ADIPOR2: variants seen among roughly 807,000 people sequenced by gnomAD.
ADIPOR2 encodes adiponectin receptor 2.
A neutral mutation model predicts 40.9 loss-of-function variants in ADIPOR2; 18 were observed. The observed-to-expected ratio is 0.44, with a 90% CI of 0.30 to 0.65. The LOEUF (loss-of-function observed/expected upper bound fraction) is 0.65. Among genes scored for constraint, ADIPOR2 ranks in the 30% least tolerant of loss-of-function variants. The pLI is 0.09. For synonymous variants in ADIPOR2, 165 were observed against 166.4 expected, an observed-to-expected ratio of 0.99 and a Z score of 0.06; for missense variants, 283 against 479.2, an observed-to-expected ratio of 0.59 and a Z score of 3.82.
chr12:1,763,316 AC>A (rs1862307950), intron 2 of ADIPOR2, among the ~76,000 whole-genome samples: 1 of 152,204 alleles, frequency 6.6e-6, no homozygotes, highest in Non-Finnish European at 1.5e-5. Flanking sequence ...GAAGTTCCAG[AC>A]CGGTAGGAAT....
intron 1 of ADIPOR2, among the ~76,000 whole-genome samples, chr12:1,739,114 T>C (rs1041211477): frequency 3.9e-5 from 6 of 152,202 alleles, no homozygotes; most frequent in Admixed American, 2.6e-4. Context: ...CAAAGAACAG[T>C]AAAACATGAA....
At chr12:1,715,948 AG>A (rs1008708227) in intron 1 of ADIPOR2, among the ~76,000 whole-genome samples, 1 of 152,122 alleles carries the variant, frequency 6.6e-6, no homozygotes, top group African/African-American at 2.4e-5. Context: ...TGGCCACCCC[AG>A]CCAGCAGCGG....
chr12:1,750,419 AG>A (rs1460833621), intron 1 of ADIPOR2, among the ~76,000 whole-genome samples: 26 of 132,218 alleles, frequency 2.0e-4, no homozygotes, highest in Admixed American at 8.4e-4. Context: ...AAAAAAAAAA[AG>A]GCCAGGTATG....
intron 1 of ADIPOR2, among the ~76,000 whole-genome samples, chr12:1,736,111 A>C (rs2094729927): frequency 6.6e-6 from 1 of 152,192 alleles, no homozygotes; most frequent in Admixed American, 6.5e-5. Flanking sequence ...GGCCTCATAA[A>C]ATGAGTTAGG....
intron 1 of ADIPOR2, among the ~76,000 whole-genome samples, chr12:1,698,699 A>G (rs1330330026): frequency 6.6e-6 from 1 of 152,314 alleles, no homozygotes; most frequent in Non-Finnish European, 1.5e-5. Flanking sequence ...CATACATTTT[A>G]TGTATATTTA....
At chr12:1,782,911 A>T (rs1307252645) in intron 6 of ADIPOR2, among the ~76,000 whole-genome samples, 2 of 150,076 alleles carry the variant, frequency 1.3e-5, no homozygotes, top group Non-Finnish European at 3.0e-5. Flanking sequence ...GCCCAGTTAT[A>T]GGTTATAGAT....
chr12:1,776,676 G>A (rs969144993), intron 3 of ADIPOR2, among the ~76,000 whole-genome samples: 1 of 152,164 alleles, frequency 6.6e-6, no homozygotes, highest in Middle Eastern at 3.2e-3. Flanking sequence ...AATCTGATGC[G>A]GGAGGGACCA....
At chr12:1,702,465 T>A (rs1200554366) in intron 1 of ADIPOR2, among the ~76,000 whole-genome samples, 1 of 152,220 alleles carries the variant, frequency 6.6e-6, no homozygotes, top group Non-Finnish European at 1.5e-5. Flanking sequence ...AATGGCATTG[T>A]CAGATTTTTT....
intron 1 of ADIPOR2, among the ~76,000 whole-genome samples, chr12:1,708,046 T>G (rs985180760): frequency 6.6e-6 from 1 of 151,942 alleles, no homozygotes; most frequent in African/African-American, 2.4e-5. Context: ...GGTAAAAAAA[T>G]AACAATATGC....
intron 2 of ADIPOR2, among the ~76,000 whole-genome samples, chr12:1,764,128 T>C (rs1380032599): frequency 6.6e-6 from 1 of 152,342 alleles, no homozygotes; most frequent in East Asian, 1.9e-4. Context: ...TTGATTTCTT[T>C]GGGTTTCATT....
rs781019809 is a variant in ADIPOR2, at chr12:1,777,849, G to T, written c.292-5G>T. The T allele has an allele frequency of 1.2e-6, 2 of 1,606,092 alleles. No individual in the cohort carries two copies. Among genetic ancestry groups the T allele is most frequent in the South Asian group, 2.2e-5 (2 of 89,902 alleles). ...CAAAGATGTTTGATAATACCTCTCT[G>T]CCAGGTATGGGAAGGTCGGTGGCGA... On this transcript the variant is annotated splice_polypyrimidine_tract_variant and splice_region_variant and intron_variant, in intron 3 of 7. Transcript: ENST00000357103.
At chr12:1,782,207 C>A (rs1862732183) in intron 6 of ADIPOR2, among the ~76,000 whole-genome samples, 1 of 152,324 alleles carries the variant, frequency 6.6e-6, no homozygotes, top group East Asian at 1.9e-4. Context: ...TGGTTCTTAC[C>A]TGTTGTGAGA....
intron 1 of ADIPOR2, among the ~76,000 whole-genome samples, chr12:1,713,165 A>G (rs909167202): frequency 6.6e-6 from 1 of 152,142 alleles, no homozygotes; most frequent in Admixed American, 6.5e-5. Context: ...TCAAAGGCAA[A>G]GAGAAACTGG....
At chr12:1,732,084 C>T (rs1209496277) in intron 1 of ADIPOR2, among the ~76,000 whole-genome samples, 1 of 152,006 alleles carries the variant, frequency 6.6e-6, no homozygotes, top group Non-Finnish European at 1.5e-5. Flanking sequence ...CATATATCTA[C>T]CCGCTGCTTG....
At chr12:1,776,009 C>T (rs1389590169) in intron 3 of ADIPOR2, among the ~76,000 whole-genome samples, 1 of 152,062 alleles carries the variant, frequency 6.6e-6, no homozygotes, top group Non-Finnish European at 1.5e-5. Flanking sequence ...ATAGAATGGC[C>T]ACATTAGCAC....
Position 1,754,250 on chromosome 12 carries a change from C to T in ADIPOR2, c.-86-8C>T. Reference sequence around the variant, plus strand: ...TAATGCATTTTTTCAAAACTTTCATCTTCTTAGGATCAACTCACTATCCTG... The same window carrying T: ...TAATGCATTTTTTCAAAACTTTCATTTTCTTAGGATCAACTCACTATCCTG... On this transcript the variant is annotated splice_polypyrimidine_tract_variant and splice_region_variant and intron_variant, in intron 1 of 7. Transcript: ENST00000357103. 6.3e-6 allele frequency: 8 copies of T among 1,271,838 alleles called. No homozygotes were observed. Among genetic ancestry groups the T allele is most frequent in the Non-Finnish European group, 7.2e-6 (7 of 965,598 alleles). 78.8% of individuals were successfully genotyped at this position (1,271,838 alleles called of 1,614,324 possible).
chr12:1,738,809 C>G (rs2094736655), intron 1 of ADIPOR2, among the ~76,000 whole-genome samples: 1 of 152,242 alleles, frequency 6.6e-6, no homozygotes, highest in Admixed American at 6.5e-5. Flanking sequence ...TCTGTTGTGA[C>G]TGGGACTGAA....
intron 1 of ADIPOR2, among the ~76,000 whole-genome samples, chr12:1,743,311 A>G (rs1194652367): frequency 4.1e-5 from 3 of 72,534 alleles, no homozygotes; most frequent in Non-Finnish European, 5.6e-5. Flanking sequence ...GACGCTGTCT[A>G]AAAAAAAAAA....
At chr12:1,712,433 G>A (rs1241671238) in intron 1 of ADIPOR2, among the ~76,000 whole-genome samples, 1 of 152,056 alleles carries the variant, frequency 6.6e-6, no homozygotes, top group Non-Finnish European at 1.5e-5. Flanking sequence ...TATTTTGATA[G>A]CCTCTGATAT....
Sources: gnomAD v4.1 joint callset for allele counts (sites outside exome capture counted in the v4.1 genomes callset) on GRCh38, gnomAD v4.1.1 for gene constraint, MANE v1.5 for transcripts, NCBI Gene and HGNC (gene_info 2026-07-23, HGNC 2026-07-21) for gene names.